SPG7: variants seen among roughly 807,000 people sequenced by gnomAD.
SPG7 encodes the protein SPG7 matrix AAA peptidase subunit, paraplegin, also known as mitochondrial inner membrane m-AAA protease component paraplegin.
In SPG7, 103 loss-of-function variants were observed where a neutral mutation model predicts 81.9. The observed-to-expected ratio is 1.26, with a 90% CI of 1.07 to 1.48. SPG7 has a LOEUF of 1.48. Among genes scored for constraint, SPG7 ranks in the 40% most tolerant of loss-of-function variants. SPG7 has a pLI of 0.00. For synonymous variants in SPG7, 534 were observed against 444.2 expected (o/e 1.20, Z -2.54); for missense variants, 1,241 against 1,087.3 (o/e 1.14, Z -1.99).
chr16:89,513,664 C>T (rs920207887), intron 3 of SPG7, among the ~76,000 whole-genome samples: 1 of 152,168 alleles, frequency 6.6e-6, no homozygotes, highest in African/African-American at 2.4e-5. Flanking sequence ...GGAGGCTCAG[C>T]TTCAGACTCA....
chr16:89,538,801 T>A (rs976364608), intron 9 of SPG7: 1 of 152,262 alleles, frequency 6.6e-6, no homozygotes, highest in African/African-American at 2.4e-5. Flanking sequence ...CCCCAAACTG[T>A]CGGGTCCTGC....
At chr16:89,511,515 C>T (rs960097690) in intron 2 of SPG7, among the ~76,000 whole-genome samples, 4 of 152,226 alleles carry the variant, frequency 2.6e-5, no homozygotes, top group Admixed American at 2.6e-4. Flanking sequence ...GCCGTGCCCA[C>T]TGGCCGTGCA....
chr16:89,512,105 G>A (rs1415638877), intron 2 of SPG7, among the ~76,000 whole-genome samples: 1 of 151,832 alleles, frequency 6.6e-6, no homozygotes, highest in Non-Finnish European at 1.5e-5. Flanking sequence ...TAGAGACGGG[G>A]TTTCACCATG....
At chr16:89,545,157 G>T (rs945997256) in intron 10 of SPG7, 9 of 351,258 alleles carry the variant, frequency 2.6e-5, no homozygotes, top group African/African-American at 1.7e-4. Flanking sequence ...TTCTTGTGTG[G>T]CATCACTTCC....
chr16:89,513,121 G>A lies in SPG7; in HGVS notation c.376+84G>A. On this transcript the variant is annotated intron_variant, in intron 3 of 16. Transcript: ENST00000645818. Reference sequence around the variant, plus strand: ...TTTTCCTTTTAGCAAGGTGAAACCAGTCTGGAAAATGGGGAGATGGGCCGG... The same window carrying A: ...TTTTCCTTTTAGCAAGGTGAAACCAATCTGGAAAATGGGGAGATGGGCCGG... 1.5e-5 allele frequency: 23 copies of A among 1,532,176 alleles called. No homozygotes were observed. The South Asian group carries it at 2.4e-4, about 16-fold the overall frequency. The allele number at this position is 1,532,176 out of a possible 1,614,324, so 94.9% of individuals were successfully genotyped here. A position where few individuals can be genotyped will look rare whatever the true frequency, so the allele number is the denominator to read the frequency against.
Position 89,534,235 on chromosome 16 carries a change from CAT to C in SPG7, c.1324+1601_1324+1602del, listed in dbSNP as rs2058383218. On this transcript the variant is annotated intron_variant, in intron 9 of 16. Transcript: ENST00000645818. ...CTGAGTTTGACTGTTGTAGGGACCT[CAT>C]AGAATTGGAGTCCTACAGTGTCTGT... is the stretch of plus-strand genomic sequence containing the variant. 5.9e-5 allele frequency among the ~76,000 whole-genome samples: 9 copies of C among 152,266 alleles called. No individual in the cohort carries two copies. In the South Asian group the frequency reaches 1.9e-3, roughly 32 times the overall value.
At chr16:89,528,389 C>G (rs559776532) in intron 5 of SPG7, among the ~76,000 whole-genome samples, 39 of 140,088 alleles carry the variant, frequency 2.8e-4, no homozygotes, top group African/African-American at 9.2e-4. Flanking sequence ...CAGACTCCAT[C>G]TCAAACAAAA....
chr16:89,557,688 T>C lies in SPG7; in HGVS notation c.*595T>C. ...CTTGCTGGTCTAGTCACGCATGCAG[T>C]GTTGGGGATGCCTTGGTTTTTACTG... On this transcript the variant is annotated 3_prime_UTR_variant, in exon 17 of 17. Transcript: ENST00000645818. 1 of 158,124 alleles carries C rather than the reference T, an allele frequency of 6.3e-6. No homozygotes were observed. Among genetic ancestry groups the C allele is most frequent in the Non-Finnish European group, 1.4e-5 (1 of 71,118 alleles). The allele number at this position is 158,124 out of a possible 1,614,324, so 9.8% of individuals were successfully genotyped here.
Position 89,532,754 on chromosome 16 carries a change from A to G in SPG7, c.1324+118A>G. ...CACTGCACTCCGGCCTGGGTGACAG[A>G]GTGAGACTCTGTCTCAAGAAAAAAA... On this transcript the variant is annotated intron_variant, in intron 9 of 16. Transcript: ENST00000645818. The G allele has an allele frequency of 2.4e-6, 3 of 1,246,190 alleles. No homozygotes were observed. In the Admixed American group the frequency reaches 5.7e-5, roughly 24 times the overall value. 77.2% of individuals were successfully genotyped at this position (1,246,190 alleles called of 1,614,324 possible).
At chr16:89,549,542 C>T in intron 12 of SPG7, 1 of 308,630 alleles carries the variant, frequency 3.2e-6, no homozygotes. Flanking sequence ...GTGGAGCACA[C>T]CTCTGGTCTC....
At chr16:89,514,099 C>T (rs1555609716) in intron 3 of SPG7, among the ~76,000 whole-genome samples, 1 of 152,044 alleles carries the variant, frequency 6.6e-6, no homozygotes, top group Non-Finnish European at 1.5e-5. Flanking sequence ...GGAAGGGACA[C>T]CAGTGTTTCG....
chr16:89,511,409 G>A (rs2058020428), intron 2 of SPG7, among the ~76,000 whole-genome samples: 1 of 152,102 alleles, frequency 6.6e-6, no homozygotes, highest in Admixed American at 6.6e-5. Context: ...TTTATTTCAC[G>A]CTCCCCTTTA....
chr16:89,536,883 G>C (rs200735282), intron 9 of SPG7: 1 of 1,614,176 alleles, frequency 6.2e-7, no homozygotes, highest in Non-Finnish European at 8.5e-7. Flanking sequence ...AGGGTCATTC[G>C]CTCTGCTGGG....
Position 89,513,008 on chromosome 16 carries a change from C to T in SPG7, c.347C>T (p.Ser116Leu), listed in dbSNP as rs149474131. Residue 116 changes from serine (S) to leucine (L), a missense_variant, in exon 3 of 17, where the codon TCG becomes TTG. By Grantham distance (145) the Ser-to-Leu change is moderately radical. Coordinates refer to ENST00000645818, the MANE Select transcript of SPG7 (RefSeq NM_003119.4). ...LKQKNKEKDK[S>L]KGKAPEEDEE... ...CAGAAGAATAAGGAGAAGGATAAGT[C>T]GAAGGGGAAGGCGCCTGAAGAGGAC... 41 of 1,612,800 alleles carry T rather than the reference C, an allele frequency of 2.5e-5. No homozygotes were observed. In the East Asian group the frequency reaches 3.6e-4, roughly 14 times the overall value.
chr16:89,513,066 T>G (rs2058043929), intron 3 of SPG7, 29 bp downstream of exon 3: 4 of 1,578,572 alleles, frequency 2.5e-6, no homozygotes, highest in Non-Finnish European at 3.4e-6. Context: ...CTTCAGTCAG[T>G]AGCTGCCTCT....
chr16:89,544,811 G>GC (rs1308258755), intron 10 of SPG7, 39 bp downstream of exon 10: 2 of 1,612,688 alleles, frequency 1.2e-6, no homozygotes, highest in Non-Finnish European at 1.7e-6. Flanking sequence ...CTCCACCTGG[G>GC]CCGCCCCCAC....
intron 9 of SPG7, chr16:89,532,980 G>C: frequency 3.1e-6 from 1 of 323,884 alleles, no homozygotes. Context: ...GTACTCTGGA[G>C]AATCGCTTGA....
At chr16:89,553,730 G>A in intron 14 of SPG7, 64 bp from the exon 15 acceptor site, 1 of 1,537,750 alleles carries the variant, frequency 6.5e-7, no homozygotes, top group Non-Finnish European at 9.0e-7. Context: ...CGGGACACCT[G>A]GGGCCCAGCA....
chr16:89,526,963 TCTCAGCCCCCGACGTAGGATGGCG>T (rs1567909099), intron 5 of SPG7: 1 of 234,950 alleles, frequency 4.3e-6, no homozygotes, highest in African/African-American at 2.3e-5. Context: ...GATGGCGAAG[TCTCAGCCCCCGACGTAGGATGGCG>T]AAGTCTCAGC....
Sources: gnomAD v4.1 joint callset for allele counts (sites outside exome capture counted in the v4.1 genomes callset) on GRCh38, gnomAD v4.1.1 for gene constraint, MANE v1.5 for transcripts, NCBI Gene and HGNC (gene_info 2026-07-23, HGNC 2026-07-21) for gene names.